ALLC: variants seen among roughly 807,000 people sequenced by gnomAD.
ALLC encodes allantoicase, also known as probable inactive allantoicase.
Under a neutral mutation model 45.0 loss-of-function variants are expected in ALLC, and 40 were observed. The observed-to-expected ratio is 0.89, with a 90% CI of 0.69 to 1.16. The LOEUF is 1.16. ALLC is among the 50% of genes most tolerant of loss of function. The pLI is 0.00. For missense variants in ALLC, 488 were observed against 493.1 expected (o/e 0.99, Z 0.10); for synonymous variants, 176 against 178.1 (o/e 0.99, Z 0.09).
chr2:3,674,861 A>G (rs1173722361), intron 3 of ALLC, among the ~76,000 whole-genome samples: 1 of 152,224 alleles, frequency 6.6e-6, no homozygotes, highest in Non-Finnish European at 1.5e-5. Flanking sequence ...CAGTTACTAA[A>G]TGCCAAAGCT....
intron 7 of ALLC, among the ~76,000 whole-genome samples, chr2:3,687,673 G>T (rs1461293998): frequency 6.6e-6 from 1 of 151,108 alleles, no homozygotes; most frequent in Non-Finnish European, 1.5e-5. Flanking sequence ...TTGGTAGATT[G>T]TATGTGTCCA....
At chr2:3,651,439 GTGT>G in the ALLC span, among the ~76,000 whole-genome samples, 4 of 63,592 alleles carry the variant, frequency 6.3e-5, no homozygotes, top group African/African-American at 9.4e-5. Context: ...GTGTGTGTGT[GTGT>G]TAGGAAGGGA....
chr2:3,651,312 GT>G, the ALLC span, among the ~76,000 whole-genome samples: 58 of 5,254 alleles, frequency 0.011, 1 homozygote, highest in South Asian at 0.048. Context: ...GGGTGGGTGG[GT>G]GGGGGGGGTG....
intron 10 of ALLC, among the ~76,000 whole-genome samples, chr2:3,699,956 C>T (rs572671375): frequency 1.9e-4 from 29 of 152,278 alleles, no homozygotes; most frequent in Admixed American, 1.8e-3. Context: ...TGTCTGTTTA[C>T]TCTGCTGATA....
intron 1 of ALLC, among the ~76,000 whole-genome samples, chr2:3,669,783 G>C (rs1000519692): frequency 2.0e-5 from 3 of 152,210 alleles, no homozygotes; most frequent in African/African-American, 7.2e-5. Flanking sequence ...CCAGGAGGAT[G>C]GGGCTGCTCC....
intron 8 of ALLC, 65 bp from the exon 9 acceptor site, chr2:3,696,210 G>A: frequency 7.8e-7 from 1 of 1,289,956 alleles, no homozygotes; most frequent in Non-Finnish European, 1.1e-6. Context: ...TTTAATTACA[G>A]CAATGTATTC....
At position 3,674,126 on chromosome 2, in the gene ALLC, G is replaced by T. The variant is rs1242313008; in HGVS notation, c.84+1G>T. On this transcript the variant is annotated splice_donor_variant, in intron 3 of 11. Transcript: ENST00000252505. LOFTEE classifies it high-confidence loss of function. ...TGCTCCTGCAGAAAACCTCATAAAG[G>T]TATTGTAAATTGACATTCTGCAATG... is the stretch of plus-strand genomic sequence containing the variant. The T allele has an allele frequency of 6.4e-7, 1 of 1,559,486 alleles. No homozygotes were observed. Among genetic ancestry groups the T allele is most frequent in the Non-Finnish European group, 8.7e-7 (1 of 1,148,390 alleles).
intron 6 of ALLC, 121 bp downstream of exon 6, chr2:3,681,834 A>C: frequency 1.4e-6 from 1 of 703,180 alleles, no homozygotes; most frequent in Non-Finnish European, 2.3e-6. Flanking sequence ...TGCTCCCCAC[A>C]TCATTTGCTT....
At chr2:3,681,065 T>G (rs1287837208) in intron 5 of ALLC, among the ~76,000 whole-genome samples, 1 of 152,228 alleles carries the variant, frequency 6.6e-6, no homozygotes, top group African/African-American at 2.4e-5. Context: ...AAGTTTACAC[T>G]GAACATGCTA....
chr2:3,651,246 TGCAGAGCCACGGA>T, the ALLC span, among the ~76,000 whole-genome samples: 1 of 140,010 alleles, frequency 7.1e-6, no homozygotes, highest in South Asian at 2.4e-4. Flanking sequence ...CGGGGAGGTT[TGCAGAGCCACGGA>T]GGGCGCTCAG....
the ALLC span, among the ~76,000 whole-genome samples, chr2:3,651,315 GGGGGGGT>G: frequency 9.9e-5 from 2 of 20,160 alleles, 1 homozygote; most frequent in East Asian, 2.9e-3. Context: ...TGGGTGGGTG[GGGGGGGT>G]GTGTGTGTGT....
At chr2:3,652,444 TACAA>T in the ALLC span, among the ~76,000 whole-genome samples, 4 of 152,190 alleles carry the variant, frequency 2.6e-5, no homozygotes, top group African/African-American at 9.7e-5. Context: ...ATGCCTTAGA[TACAA>T]AGGAGGCTGG....
upstream of ALLC, among the ~76,000 whole-genome samples, chr2:3,657,661 G>A (rs1666473540): frequency 6.6e-6 from 1 of 152,252 alleles, no homozygotes; most frequent in Middle Eastern, 3.2e-3. Context: ...AGACAGTGGG[G>A]CCTTTGAAGG....
In ALLC at chr2:3,695,698, A is replaced by G. The variant is rs773296245; in HGVS notation, c.512-19A>G. The G allele has an allele frequency of 6.2e-7, 1 of 1,613,886 alleles. No individual in the cohort carries two copies. The highest frequency in any genetic ancestry group is 8.5e-7 in the Non-Finnish European group (1 of 1,179,820). On this transcript the variant is annotated intron_variant, in intron 7 of 11. Coordinates refer to ENST00000252505, the MANE Select transcript of ALLC (RefSeq NM_018436.4). The stretch of plus-strand genomic sequence containing the variant: ...CAGCCATTTTTACAAACAATAACTA[A>G]GGCACCTTTCCTTTTCAGATGGTGG...
At chr2:3,701,468 G>GT (rs1217798100) in intron 10 of ALLC, 44 bp from the exon 11 acceptor site, 1 of 1,541,292 alleles carries the variant, frequency 6.5e-7, no homozygotes, top group Non-Finnish European at 8.8e-7. Flanking sequence ...GCCAAACTGA[G>GT]TGCAAATGCG....
At chr2:3,663,184 T>C (rs140948846) in intron 1 of ALLC, among the ~76,000 whole-genome samples, 1 of 152,288 alleles carries the variant, frequency 6.6e-6, no homozygotes, top group Non-Finnish European at 1.5e-5. Context: ...TAAATGCTCA[T>C]CAATGATAGA....
At chr2:3,666,718 A>G (rs1294728026) in intron 1 of ALLC, among the ~76,000 whole-genome samples, 1 of 152,226 alleles carries the variant, frequency 6.6e-6, no homozygotes, top group Admixed American at 6.5e-5. Flanking sequence ...TTTTAATTCC[A>G]GCCAGTCGGT....
At chr2:3,691,203 A>G (rs1667507939) in intron 7 of ALLC, among the ~76,000 whole-genome samples, 1 of 149,740 alleles carries the variant, frequency 6.7e-6, no homozygotes, top group Non-Finnish European at 1.5e-5. Flanking sequence ...AAGCTTCTTT[A>G]TGTTATTTGC....
chr2:3,647,838 C>T, the ALLC span, among the ~76,000 whole-genome samples: 4 of 152,218 alleles, frequency 2.6e-5, no homozygotes, highest in African/African-American at 4.8e-5. Context: ...CCTTCACTCT[C>T]GCAACCCAGC....
Sources: gnomAD v4.1 joint callset for allele counts (sites outside exome capture counted in the v4.1 genomes callset) on GRCh38, gnomAD v4.1.1 for gene constraint, MANE v1.5 for transcripts, NCBI Gene and HGNC (gene_info 2026-07-23, HGNC 2026-07-21) for gene names.